The following KBTBD12 variants were observed in gnomAD, a reference collection of about 807,000 sequenced individuals.
KBTBD12 encodes the protein kelch repeat and BTB domain-containing protein 12.
Under a neutral mutation model 58.7 loss-of-function variants are expected in KBTBD12, and 53 were observed. That is an observed-to-expected ratio of 0.90 (90% CI 0.72 to 1.14). The LOEUF (loss-of-function observed/expected upper bound fraction) is 1.14, where lower values mean the gene tolerates loss of function less well. Among genes scored for constraint, KBTBD12 ranks in the 50% most tolerant of loss-of-function variants. KBTBD12 has a pLI of 0.00. For missense variants in KBTBD12, 704 were observed against 751.3 expected, an observed-to-expected ratio of 0.94 and a Z score of 0.74; for synonymous variants, 236 against 259.8, an observed-to-expected ratio of 0.91 and a Z score of 0.88.
intron 2 of KBTBD12, 49 bp from the exon 3 acceptor site, chr3:127,927,715 T>C (rs760950076): frequency 2.3e-6 from 3 of 1,308,850 alleles, no homozygotes; most frequent in Non-Finnish European, 3.0e-6. Flanking sequence ...CTTGGGTAAA[T>C]TGCTTTCATG....
chr3:127,964,975 G>A (rs1485909848), intron 5 of KBTBD12, among the ~76,000 whole-genome samples: 1 of 152,202 alleles, frequency 6.6e-6, no homozygotes, highest in Non-Finnish European at 1.5e-5. Flanking sequence ...CTGCGTGTAA[G>A]AAGGGAGCTG....
intron 1 of KBTBD12, among the ~76,000 whole-genome samples, chr3:127,918,293 A>G (rs6795128): frequency 0.036 from 5,538 of 152,336 alleles, 311 homozygotes; most frequent in African/African-American, 0.12. Flanking sequence ...TACACAACAC[A>G]GGCAAGAAAG....
chr3:127,948,233 A>G (rs1041276856), intron 4 of KBTBD12, among the ~76,000 whole-genome samples: 5 of 152,338 alleles, frequency 3.3e-5, no homozygotes, highest in African/African-American at 1.2e-4. Flanking sequence ...TGACCTCAAG[A>G]TCATAGACTT....
At chr3:127,934,879 G>C (rs1939792904) in intron 4 of KBTBD12, among the ~76,000 whole-genome samples, 1 of 152,122 alleles carries the variant, frequency 6.6e-6, no homozygotes, top group Admixed American at 6.6e-5. Flanking sequence ...ATAATATGTG[G>C]CTAGCAGACT....
chr3:127,969,145 T>G (rs901938917), intron 5 of KBTBD12, among the ~76,000 whole-genome samples: 1 of 152,162 alleles, frequency 6.6e-6, no homozygotes, highest in South Asian at 2.1e-4. Context: ...TAATAACTAA[T>G]TGCATATGAC....
intron 5 of KBTBD12, among the ~76,000 whole-genome samples, chr3:127,983,180 G>C (rs192117352): frequency 4.6e-5 from 7 of 152,212 alleles, no homozygotes; most frequent in Non-Finnish European, 7.3e-5. Context: ...TTGTGAACGT[G>C]GCCTTTCTTC....
At chr3:127,952,152 G>T (rs1195272660) in intron 4 of KBTBD12, among the ~76,000 whole-genome samples, 1 of 152,112 alleles carries the variant, frequency 6.6e-6, no homozygotes, top group Non-Finnish European at 1.5e-5. Context: ...TAAATTCTAG[G>T]TGATTTCATA....
chr3:127,941,553 A>G lies in KBTBD12; in HGVS notation c.1492+11270A>G, dbSNP rs1939950403. 2.0e-5 allele frequency among the ~76,000 whole-genome samples: 3 copies of G among 152,182 alleles called. No homozygotes were observed. In the South Asian group the frequency reaches 6.2e-4, roughly 32 times the overall value. ...CCTCTCAATCTGATAAAAGACACCT[A>G]TGAAAAATCTACAGGTAACATCATT... is the stretch of plus-strand genomic sequence containing the variant. On this transcript the variant is annotated intron_variant, in intron 4 of 5. Transcript: ENST00000405109.
At chr3:127,952,613 T>C (rs1940231246) in intron 4 of KBTBD12, among the ~76,000 whole-genome samples, 2 of 152,276 alleles carry the variant, frequency 1.3e-5, no homozygotes, top group Admixed American at 1.3e-4. Flanking sequence ...TTAGACCTTG[T>C]GTCATTAACA....
chr3:127,945,032 C>T (rs1392217689), intron 4 of KBTBD12, among the ~76,000 whole-genome samples: 27 of 151,864 alleles, frequency 1.8e-4, no homozygotes. Flanking sequence ...AGACTCATGC[C>T]AACCCACCCA....
At chr3:127,928,076 G>A (rs867903893) in intron 3 of KBTBD12, 42 bp downstream of exon 3, 1 of 1,531,612 alleles carries the variant, frequency 6.5e-7, no homozygotes, top group Non-Finnish European at 9.0e-7. Flanking sequence ...TGGCTATACT[G>A]AGTCTGGCTG....
chr3:127,949,457 T>A (rs992574060), intron 4 of KBTBD12, among the ~76,000 whole-genome samples: 3 of 152,168 alleles, frequency 2.0e-5, no homozygotes, highest in Non-Finnish European at 2.9e-5. Flanking sequence ...AACAGTAAAG[T>A]AATAAAAGAT....
At chr3:127,932,659 G>C (rs561575656) in intron 4 of KBTBD12, among the ~76,000 whole-genome samples, 19 of 152,118 alleles carry the variant, frequency 1.2e-4, no homozygotes, top group Non-Finnish European at 2.2e-4. Context: ...AGTATATTTG[G>C]ATTGAAATCC....
intron 4 of KBTBD12, among the ~76,000 whole-genome samples, chr3:127,944,748 T>TC (rs1940033677): frequency 6.6e-6 from 1 of 152,198 alleles, no homozygotes; most frequent in African/African-American, 2.4e-5. Context: ...TTGTAATAAA[T>TC]CTTAAAGAAT....
intron 4 of KBTBD12, among the ~76,000 whole-genome samples, chr3:127,949,488 A>G (rs1940159428): frequency 6.6e-6 from 1 of 152,222 alleles, no homozygotes; most frequent in South Asian, 2.1e-4. Flanking sequence ...TGAAAGGACC[A>G]GACACCTCAA....
intron 4 of KBTBD12, among the ~76,000 whole-genome samples, chr3:127,958,406 G>A (rs1559770545): frequency 6.6e-6 from 1 of 152,144 alleles, no homozygotes; most frequent in Non-Finnish European, 1.5e-5. Context: ...TAGACCTGCT[G>A]GGACCCCTGC....
intron 5 of KBTBD12, among the ~76,000 whole-genome samples, chr3:127,981,186 T>C (rs190636806): frequency 6.8e-4 from 103 of 152,364 alleles, no homozygotes; most frequent in African/African-American, 2.3e-3. Flanking sequence ...TATTGTCTGA[T>C]ACACATCCCA....
chr3:127,954,752 C>A (rs934958602), intron 4 of KBTBD12, among the ~76,000 whole-genome samples: 1 of 152,206 alleles, frequency 6.6e-6, no homozygotes, highest in Non-Finnish European at 1.5e-5. Flanking sequence ...CCTCCTGCCA[C>A]TCCTCCACCC....
intron 5 of KBTBD12, among the ~76,000 whole-genome samples, chr3:127,976,277 T>C (rs764140079): frequency 6.6e-6 from 1 of 152,244 alleles, no homozygotes; most frequent in Non-Finnish European, 1.5e-5. Flanking sequence ...AATGTTCTTT[T>C]TGTAGCACCT....
Sources: allele counts gnomAD v4.1 joint callset (sites outside exome capture counted in the v4.1 genomes callset), GRCh38; gene constraint gnomAD v4.1.1; transcripts MANE v1.5; gene names NCBI Gene and HGNC (gene_info 2026-07-23, HGNC 2026-07-21).